NPAS3: variants seen among roughly 807,000 people sequenced by gnomAD.
NPAS3 encodes neuronal PAS domain-containing protein 3.
In NPAS3, 14 loss-of-function variants were observed where a neutral mutation model predicts 73.1. That is an observed-to-expected ratio of 0.19 (90% confidence interval 0.13 to 0.30). The LOEUF is 0.30. NPAS3 is among the 10% of genes least tolerant of loss of function. The pLI, the probability that NPAS3 is intolerant of heterozygous loss-of-function variation, is 1.00. For missense variants in NPAS3, 1,096 were observed against 1,250.0 expected, an observed-to-expected ratio of 0.88 and a Z score of 1.86; for synonymous variants, 620 against 541.5, an observed-to-expected ratio of 1.14 and a Z score of -2.01.
chr14:33,041,669 TATTGCCAGG>T (rs779136372), intron 1 of NPAS3, among the ~76,000 whole-genome samples: 1 of 152,132 alleles, frequency 6.6e-6, no homozygotes, highest in Non-Finnish European at 1.5e-5. Flanking sequence ...CTGAGACAAG[TATTGCCAGG>T]GAAGAAGGCT....
At chr14:33,176,648 T>A (rs957728288) in intron 2 of NPAS3, among the ~76,000 whole-genome samples, 2 of 152,218 alleles carry the variant, frequency 1.3e-5, no homozygotes, top group African/African-American at 2.4e-5. Flanking sequence ...CTTTCCACCT[T>A]TTGGCTATTT....
intron 4 of NPAS3, among the ~76,000 whole-genome samples, chr14:33,460,616 A>G (rs969907343): frequency 2.0e-5 from 3 of 152,186 alleles, no homozygotes; most frequent in Admixed American, 6.5e-5. Context: ...ATAATCACGT[A>G]TATTTTCGGC....
chr14:32,969,219 G>T (rs115311433), intron 1 of NPAS3, among the ~76,000 whole-genome samples: 2,507 of 152,218 alleles, frequency 0.016, 74 homozygotes, highest in African/African-American at 0.051. Context: ...TCACATCAGA[G>T]TACAGTGGTG....
intron 4 of NPAS3, among the ~76,000 whole-genome samples, chr14:33,441,808 A>G (rs1043483128): frequency 8.5e-5 from 13 of 152,208 alleles, no homozygotes; most frequent in Non-Finnish European, 1.6e-4. Flanking sequence ...CACGTCTTAC[A>G]TGGTGGCAGG....
At chr14:33,379,089 T>C (rs779700331) in intron 4 of NPAS3, among the ~76,000 whole-genome samples, 19 of 152,208 alleles carry the variant, frequency 1.2e-4, no homozygotes, top group Non-Finnish European at 2.2e-4. Context: ...TGTGTAAGAT[T>C]ATCCTCAGGT....
At chr14:33,145,706 G>A (rs1184628487) in intron 2 of NPAS3, among the ~76,000 whole-genome samples, 1 of 152,004 alleles carries the variant, frequency 6.6e-6, no homozygotes, top group Non-Finnish European at 1.5e-5. Context: ...TGTCCTTTTT[G>A]TTTTTCCTAT....
intron 3 of NPAS3, among the ~76,000 whole-genome samples, chr14:33,359,556 G>A (rs1030485659): frequency 6.6e-6 from 1 of 152,092 alleles, no homozygotes; most frequent in Non-Finnish European, 1.5e-5. Context: ...ACAGTAAAGC[G>A]GCACTCATTG....
At chr14:33,529,877 G>T (rs1182868652) in intron 4 of NPAS3, among the ~76,000 whole-genome samples, 2 of 152,046 alleles carry the variant, frequency 1.3e-5, no homozygotes, top group East Asian at 3.9e-4. Flanking sequence ...ATTACCAAGC[G>T]GCAGCATGTT....
chr14:33,686,168 G>A (rs187327880), intron 6 of NPAS3, among the ~76,000 whole-genome samples: 2 of 152,110 alleles, frequency 1.3e-5, no homozygotes, highest in Non-Finnish European at 2.9e-5. Flanking sequence ...CAACCTAAGA[G>A]CCAAAAGGTA....
At chr14:33,280,433 G>A (rs556298053) in intron 3 of NPAS3, among the ~76,000 whole-genome samples, 4 of 152,302 alleles carry the variant, frequency 2.6e-5, no homozygotes, top group African/African-American at 9.6e-5. Flanking sequence ...TGCCAATACT[G>A]AGGAGAAAGC....
At chr14:33,609,710 T>C (rs1440723371) in intron 5 of NPAS3, among the ~76,000 whole-genome samples, 1 of 152,134 alleles carries the variant, frequency 6.6e-6, no homozygotes, top group Non-Finnish European at 1.5e-5. Context: ...GGGTCTCCTG[T>C]GTTCCGCAGC....
At chr14:33,375,992 A>G (rs905556007) in intron 4 of NPAS3, among the ~76,000 whole-genome samples, 5 of 152,144 alleles carry the variant, frequency 3.3e-5, no homozygotes, top group Non-Finnish European at 5.9e-5. Context: ...TTAATGTTTC[A>G]TACTTACGGA....
chr14:33,331,824 A>G (rs2043998736), intron 3 of NPAS3, among the ~76,000 whole-genome samples: 1 of 152,350 alleles, frequency 6.6e-6, no homozygotes, highest in East Asian at 1.9e-4. Context: ...TGAGTAAAAT[A>G]TTCTTACGTA....
At chr14:33,309,092 C>T (rs1307598037) in intron 3 of NPAS3, among the ~76,000 whole-genome samples, 1 of 152,180 alleles carries the variant, frequency 6.6e-6, no homozygotes, top group African/African-American at 2.4e-5. Context: ...CATGGAGTAT[C>T]CAGTTGCTAC....
chr14:33,425,565 G>T (rs2048523384), intron 4 of NPAS3, among the ~76,000 whole-genome samples: 1 of 143,576 alleles, frequency 7.0e-6, no homozygotes. Context: ...TAGCATGTTG[G>T]CTTTGTGTTC....
intron 5 of NPAS3, among the ~76,000 whole-genome samples, chr14:33,587,437 G>C (rs1344193395): frequency 6.6e-6 from 1 of 152,036 alleles, no homozygotes; most frequent in Non-Finnish European, 1.5e-5. Flanking sequence ...GTAATAACTG[G>C]GTGTCTCAGT....
intron 4 of NPAS3, among the ~76,000 whole-genome samples, chr14:33,510,584 A>G (rs2053000886): frequency 6.6e-6 from 1 of 151,688 alleles, no homozygotes; most frequent in South Asian, 2.1e-4. Context: ...ATACATGGGT[A>G]AGGTGTTAAT....
intron 4 of NPAS3, among the ~76,000 whole-genome samples, chr14:33,510,369 T>C (rs2052987409): frequency 6.6e-6 from 1 of 152,034 alleles, no homozygotes; most frequent in Non-Finnish European, 1.5e-5. Flanking sequence ...GCTGCTATGA[T>C]TCAGAGGTTG....
In NPAS3 at chr14:33,427,548, A is replaced by T. The variant is rs17101087; in HGVS notation, c.468+60280A>T. Reference sequence around the variant, plus strand: ...CTCTCCGTGAATGGGACTAAGGAACAGTGAGATGCCCACAGCTAGACATTC... The same window carrying T: ...CTCTCCGTGAATGGGACTAAGGAACTGTGAGATGCCCACAGCTAGACATTC... On this transcript the variant is annotated intron_variant, in intron 4 of 11. Coordinates refer to ENST00000356141, the Ensembl canonical transcript of NPAS3. Among the ~76,000 whole-genome samples, 92 of 151,930 alleles carry T rather than the reference A, an allele frequency of 6.1e-4. No individual in the cohort carries two copies. In the East Asian group the frequency reaches 0.017, roughly 28 times the overall value.
Sources: gnomAD v4.1 joint callset for allele counts (sites outside exome capture counted in the v4.1 genomes callset) on GRCh38, gnomAD v4.1.1 for gene constraint, MANE v1.5 for transcripts, NCBI Gene and HGNC (gene_info 2026-07-23, HGNC 2026-07-21) for gene names.